The following KRT74 variants were observed in gnomAD, a reference collection of about 807,000 sequenced individuals.
KRT74 encodes keratin, type II cytoskeletal 74.
Under a neutral mutation model 42.7 loss-of-function variants are expected in KRT74, and 43 were observed. The observed-to-expected ratio is 1.01, with a 90% CI of 0.79 to 1.30. KRT74 has a LOEUF of 1.30. Ranked by LOEUF, KRT74 falls within the 50% of genes most tolerant of loss-of-function variation. The pLI, the probability that KRT74 is intolerant of heterozygous loss-of-function variation, is 0.00. For synonymous variants in KRT74, 302 were observed against 279.0 expected, an observed-to-expected ratio of 1.08 and a Z score of -0.82; for missense variants, 736 against 689.1, an observed-to-expected ratio of 1.07 and a Z score of -0.76.
chr12:52,573,343 C>G lies in KRT74; in HGVS notation c.435G>C (p.Lys145Asn). 1 of 1,614,216 alleles carries G rather than the reference C, an allele frequency of 6.2e-7. No homozygotes were observed. The highest frequency in any genetic ancestry group is 8.5e-7 in the Non-Finnish European group (1 of 1,180,042). The change falls in exon 1 of 9, where the codon AAG becomes AAC. Residue 145 changes from lysine to asparagine, a missense_variant. By Grantham distance (94) the Lys-to-Asn change is moderately conservative. Coordinates refer to ENST00000305620, the MANE Select transcript of KRT74 (RefSeq NM_175053.4). ...AGGAGGCGAACTTGTCGTTCAGCAC[C>G]TTGATCTGTTCCCGCTCCTGGGCGC... ...KVRAQEREQI[K>N]VLNDKFASFI...
intron 8 of KRT74, 111 bp from the exon 9 acceptor site, chr12:52,567,279 C>T (rs766197211): frequency 2.9e-5 from 26 of 886,860 alleles, no homozygotes; most frequent in Middle Eastern, 3.4e-4. Context: ...TCATTTAATC[C>T]GCAGAACCAC....
intron 5 of KRT74, 33 bp downstream of exon 5, chr12:52,570,636 G>C: frequency 6.2e-7 from 1 of 1,612,932 alleles, no homozygotes. Flanking sequence ...GAAGCGAAGG[G>C]CTGCTGTGGG....
At chr12:52,572,091 G>A (rs1939494724) in intron 2 of KRT74, 87 bp from the exon 3 acceptor site, 2 of 990,124 alleles carry the variant, frequency 2.0e-6, no homozygotes, top group Admixed American at 1.7e-5. Context: ...TGGGATACAG[G>A]GTCCCTGCAG....
chr12:52,570,771 G>A lies in KRT74; in HGVS notation c.906C>T (p.Asn302=), dbSNP rs1385826292. 8 of 1,614,230 alleles carry A rather than the reference G, an allele frequency of 5.0e-6. No individual in the cohort carries two copies. The South Asian group carries it at 7.7e-5, about 16-fold the overall frequency. The change falls in exon 5 of 9, where the codon AAC becomes AAT. Residue 302 remains asparagine (N), a synonymous_variant. Transcript: ENST00000305620. ...ETSVILSMDN[N]RDLDLDSIIA... is the part of the protein sequence containing the mutation. ...TGATGCTGTCAAGGTCCAGGTCCCGGTTGTTGTCCATGGACAGGATGACAG... is the reference window on the plus strand; with the variant it reads ...TGATGCTGTCAAGGTCCAGGTCCCGATTGTTGTCCATGGACAGGATGACAG...
In KRT74 at chr12:52,573,541, A is replaced by T. The variant is rs749485627; in HGVS notation, c.237T>A (p.Ser79=). 11 of 1,613,978 alleles carry T rather than the reference A, an allele frequency of 6.8e-6. No individual in the cohort carries two copies. In the East Asian group the frequency reaches 2.2e-4, roughly 33 times the overall value. The change falls in exon 1 of 9, where the codon TCT becomes TCA. Residue 79 remains serine, a synonymous_variant. Coordinates refer to ENST00000305620, the MANE Select transcript of KRT74 (RefSeq NM_175053.4). The stretch of plus-strand genomic sequence containing the variant: ...CACTGGCCCGGCCCCCTCCATACCC[A>T]GAGCCAGGCCTGAAGCCGTAACCTC... The part of the protein sequence containing the change: ...RAGGYGFRPG[S]GYGGGRASGF...
intron 3 of KRT74, among the ~76,000 whole-genome samples, chr12:52,571,714 G>T (rs1289719015): frequency 6.6e-6 from 1 of 152,186 alleles, no homozygotes; most frequent in Non-Finnish European, 1.5e-5. Flanking sequence ...AGCTGGACCC[G>T]AGTTTCACAG....
Position 52,566,927 on chromosome 12 carries a change from T to C in KRT74, c.*42A>G. The C allele has an allele frequency of 6.4e-7, 1 of 1,565,858 alleles. No individual in the cohort carries two copies. Among genetic ancestry groups the C allele is most frequent in the Non-Finnish European group, 8.7e-7 (1 of 1,146,794 alleles). ...GCAGACACCTTTGGGGGTGGCAAAG[T>C]CACCTCTTCTTCCAAGTGCTGAGGT... On this transcript the variant is annotated 3_prime_UTR_variant, in exon 9 of 9. Coordinates refer to ENST00000305620, the MANE Select transcript of KRT74 (RefSeq NM_175053.4).
rs893485912 is a variant in KRT74, at chr12:52,565,894, G to T, written c.*1075C>A. On this transcript the variant is annotated 3_prime_UTR_variant, in exon 9 of 9. Coordinates refer to ENST00000305620, the MANE Select transcript of KRT74 (RefSeq NM_175053.4). ...CCATTCTTAGGAATATTTACACCCTGAGCCACGACATCTGGACTAGGCAGT... is the reference window on the plus strand; with the variant it reads ...CCATTCTTAGGAATATTTACACCCTTAGCCACGACATCTGGACTAGGCAGT... The T allele has an allele frequency of 6.6e-6, 1 of 152,192 alleles. No homozygotes were observed. The highest frequency in any genetic ancestry group is 2.4e-5 in the African/African-American group (1 of 41,454). 9.4% of individuals were successfully genotyped at this position (152,192 alleles called of 1,614,324 possible).
Position 52,570,698 on chromosome 12 carries a change from C to T in KRT74, c.979G>A (p.Ala327Thr). The part of the protein sequence containing the change: ...HYEEIALKSK[A>T]EAEALYQTKI... Reference sequence around the variant, plus strand: ...GTCTGGTACAGGGCCTCGGCCTCGGCCTTGCTCTTCAGGGCGATCTCCTCA... The same window carrying T: ...GTCTGGTACAGGGCCTCGGCCTCGGTCTTGCTCTTCAGGGCGATCTCCTCA... Residue 327 changes from alanine to threonine, a missense_variant, in exon 5 of 9, where the codon GCC becomes ACC. Transcript: ENST00000305620. 1 of 1,614,220 alleles carries T rather than the reference C, an allele frequency of 6.2e-7. No homozygotes were observed. The highest frequency in any genetic ancestry group is 1.1e-5 in the South Asian group (1 of 91,082).
Position 52,573,716 on chromosome 12 carries a change from G to A in KRT74, c.62C>T (p.Ala21Val). 4.3e-6 allele frequency: 7 copies of A among 1,614,120 alleles called. No homozygotes were observed. Among genetic ancestry groups the A allele is most frequent in the Non-Finnish European group, 5.9e-6 (7 of 1,180,046 alleles). Reference sequence around the variant, plus strand: ...ACCCACAGCCTTCCTTGGCACCACTGCCGAATGCACACTGAAGTTGCCCTT... The same window carrying A: ...ACCCACAGCCTTCCTTGGCACCACTACCGAATGCACACTGAAGTTGCCCTT... Reference protein sequence around the residue: ...GDKGNFSVHSAVVPRKAVGSL... With the variant: ...GDKGNFSVHSVVVPRKAVGSL... The change falls in exon 1 of 9, where the codon GCA becomes GTA. Residue 21 changes from alanine to valine, a missense_variant. Transcript: ENST00000305620.
chr12:52,570,953 G>C (rs1161664583), intron 4 of KRT74, 120 bp from the exon 5 acceptor site: 11 of 1,142,786 alleles, frequency 9.6e-6, no homozygotes, highest in African/African-American at 1.5e-5. Flanking sequence ...GGACAAAGTA[G>C]GGGGAAGAAG....
chr12:52,573,007 C>A (rs1939514694), intron 1 of KRT74, among the ~76,000 whole-genome samples: 1 of 152,176 alleles, frequency 6.6e-6, no homozygotes, highest in African/African-American at 2.4e-5. Flanking sequence ...ATTCTATTAG[C>A]CTTTCATGTT....
intron 3 of KRT74, 91 bp downstream of exon 3, chr12:52,571,853 C>T (rs1223036642): frequency 1.1e-6 from 1 of 933,994 alleles, no homozygotes; most frequent in African/African-American, 1.6e-5. Context: ...GGCACCAGCC[C>T]CCTCCCCAGC....
At chr12:52,569,373 C>T (rs954613147) in intron 6 of KRT74, 6 of 446,264 alleles carry the variant, frequency 1.3e-5, no homozygotes, top group Non-Finnish European at 2.0e-5. Flanking sequence ...TGCCCCACTC[C>T]GAGAGCAGGA....
rs530631220 is a variant in KRT74, at chr12:52,567,650, A to G, written c.1390+9T>C. ...TTCCCAACCCAAGGCATCTCTCAAG[A>G]ATACTCACAGATGCTCACAGAGGAT... is the stretch of plus-strand genomic sequence containing the variant. On this transcript the variant is annotated intron_variant, in intron 8 of 8. Transcript: ENST00000305620. 1.2e-6 allele frequency: 2 copies of G among 1,607,750 alleles called. No homozygotes were observed. Among genetic ancestry groups the G allele is most frequent in the African/African-American group, 2.7e-5 (2 of 74,836 alleles).
rs778046092 is a variant in KRT74 at position 52,570,791 on chromosome 12, T to A, written c.886A>T (p.Ile296Phe). The A allele has an allele frequency of 6.2e-7, 1 of 1,614,110 alleles. No homozygotes were observed. Among genetic ancestry groups the A allele is most frequent in the Non-Finnish European group, 8.5e-7 (1 of 1,180,038 alleles). ...TCCCGGTTGTTGTCCATGGACAGGATGACAGAGGTCTCACTGGCGTGAGTC... is the reference window on the plus strand; with the variant it reads ...TCCCGGTTGTTGTCCATGGACAGGAAGACAGAGGTCTCACTGGCGTGAGTC... ...IQTHASETSV[I>F]LSMDNNRDLD... Residue 296 changes from isoleucine (I) to phenylalanine (F), a missense_variant, in exon 5 of 9, where the codon ATC (isoleucine) becomes TTC (phenylalanine). Coordinates refer to ENST00000305620, the MANE Select transcript of KRT74 (RefSeq NM_175053.4).
intron 8 of KRT74, among the ~76,000 whole-genome samples, chr12:52,567,401 G>A (rs946674157): frequency 5.9e-5 from 9 of 152,176 alleles, no homozygotes; most frequent in Middle Eastern, 3.2e-3. Context: ...TCCTGGAAAT[G>A]CTAGGAAAAT....
In KRT74 at chr12:52,573,585, C is replaced by A; in HGVS notation, c.193G>T (p.Gly65Cys). The change falls in exon 1 of 9, where the codon GGT (glycine) becomes TGT (cysteine). Residue 65 changes from glycine to cysteine, a missense_variant. Coordinates refer to ENST00000305620, the MANE Select transcript of KRT74 (RefSeq NM_175053.4). ...TAACCTCCAGCCCGAACGCCGCCACCAGCCACATTGAAAGAAATACGCCGA... is the reference window on the plus strand; with the variant it reads ...TAACCTCCAGCCCGAACGCCGCCACAAGCCACATTGAAAGAAATACGCCGA... Reference protein sequence around the residue: ...GNRRISFNVAGGGVRAGGYGF... With the variant: ...GNRRISFNVACGGVRAGGYGF... 2 of 1,614,190 alleles carry A rather than the reference C, an allele frequency of 1.2e-6. No individual in the cohort carries two copies. The highest frequency in any genetic ancestry group is 2.2e-5 in the South Asian group (2 of 91,084).
At position 52,566,830 on chromosome 12, in the gene KRT74, C is replaced by A; in HGVS notation, c.*139G>T. The A allele has an allele frequency of 1.6e-6, 1 of 641,794 alleles. No homozygotes were observed. The highest frequency in any genetic ancestry group is 2.6e-6 in the Non-Finnish European group (1 of 382,220). 39.8% of individuals were successfully genotyped at this position (641,794 alleles called of 1,614,324 possible). On this transcript the variant is annotated 3_prime_UTR_variant, in exon 9 of 9. Coordinates refer to ENST00000305620, the MANE Select transcript of KRT74 (RefSeq NM_175053.4). The stretch of plus-strand genomic sequence containing the variant: ...GTCAATCAGAGCTTGAAAGTAAAAG[C>A]TAAACCACGATGCAGACAGTTGAGT...
Sources: gnomAD v4.1 joint callset for allele counts (sites outside exome capture counted in the v4.1 genomes callset) on GRCh38, gnomAD v4.1.1 for gene constraint, MANE v1.5 for transcripts, NCBI Gene and HGNC (gene_info 2026-07-23, HGNC 2026-07-21) for gene names.